TOP1: variants seen among roughly 807,000 people sequenced by gnomAD.
TOP1 encodes the protein DNA topoisomerase I.
Under a neutral mutation model 111.1 loss-of-function variants are expected in TOP1, and 10 were observed. The observed-to-expected ratio is 0.09, with a 90% CI of 0.06 to 0.15. The LOEUF (loss-of-function observed/expected upper bound fraction) is 0.15. TOP1 is among the 10% of genes least tolerant of loss of function. The pLI is 1.00. For missense variants in TOP1, 474 were observed against 926.7 expected (o/e 0.51, Z 6.34); for synonymous variants, 271 against 302.9 (o/e 0.89, Z 1.10).
rs2033623945 is a variant in TOP1, at chr20:41,067,628, A to AT, written c.155+6142dup. ...AATCCTTGCTAATCAATTGTAGCTA[A>AT]TTTTGTGGCCATTTGTTAGGAGAAA... On this transcript the variant is annotated intron_variant, in intron 3 of 20. Transcript: ENST00000361337. The surrounding 1 kb of genome is among the most constrained non-coding windows in gnomAD (Gnocchi z 4.0). 6.6e-6 allele frequency among the ~76,000 whole-genome samples: 1 copy of AT among 152,278 alleles called. No individual in the cohort carries two copies. Among genetic ancestry groups the AT allele is most frequent in the East Asian group, 1.9e-4 (1 of 5,188 alleles).
At chr20:41,074,579 C>T (rs1192401958) in intron 3 of TOP1, among the ~76,000 whole-genome samples, 1 of 151,672 alleles carries the variant, frequency 6.6e-6, no homozygotes, top group Non-Finnish European at 1.5e-5. Context: ...CTTAAAGTTT[C>T]TGCCTATTCA....
At chr20:41,054,623 G>C (rs554811794) in intron 2 of TOP1, among the ~76,000 whole-genome samples, 1 of 152,210 alleles carries the variant, frequency 6.6e-6, no homozygotes, top group South Asian at 2.1e-4. Flanking sequence ...GCTGGCACCC[G>C]TATTAGTGCC....
chr20:41,089,023 T>C (rs1173267943), intron 8 of TOP1, among the ~76,000 whole-genome samples: 1 of 103,456 alleles, frequency 9.7e-6, no homozygotes, highest in Non-Finnish European at 1.9e-5. Context: ...CCCAGTTCTT[T>C]TTTTTTTTTT....
rs2034438757 is a variant in TOP1 at position 41,122,481 on chromosome 20, C to T, written c.2195+326C>T. On this transcript the variant is annotated intron_variant, in intron 20 of 20. Transcript: ENST00000361337. The surrounding 1 kb of genome is among the most constrained non-coding windows in gnomAD (Gnocchi z 5.4). ...TAGCTTCTGGAAGAATAGGAAAGAG[C>T]CCATCCATCTCTACACTTCAACAAA... Among the ~76,000 whole-genome samples the T allele has an allele frequency of 1.3e-5, 2 of 151,984 alleles. No individual in the cohort carries two copies. The highest frequency in any genetic ancestry group is 1.3e-4 in the Admixed American group (2 of 15,260).
At position 41,078,913 on chromosome 20, in the gene TOP1, C is replaced by A. The variant is rs774318904; in HGVS notation, c.336-1172C>A. On this transcript the variant is annotated intron_variant, in intron 5 of 20. Transcript: ENST00000361337. The surrounding 1 kb of genome is among the most constrained non-coding windows in gnomAD (Gnocchi z 5.3). ...TTGTTTTAGGACTTCTTCCTTCAGA[C>A]CTAAGTAACCCTTCCCACAGTTTTT... Among the ~76,000 whole-genome samples, 1 of 152,124 alleles carries A rather than the reference C, an allele frequency of 6.6e-6. No homozygotes were observed. Among genetic ancestry groups the A allele is most frequent in the Non-Finnish European group, 1.5e-5 (1 of 68,016 alleles).
At position 41,080,511 on chromosome 20, in the gene TOP1, T is replaced by C. The variant is rs546759808; in HGVS notation, c.431+331T>C. Among the ~76,000 whole-genome samples, 1 of 152,304 alleles carries C rather than the reference T, an allele frequency of 6.6e-6. No homozygotes were observed. The highest frequency in any genetic ancestry group is 1.9e-4 in the East Asian group (1 of 5,190). ...TTTCTTATTGCCTACCACAGATAAC[T>C]TAAAGCAGTTTCTCTTAGACCTATT... On this transcript the variant is annotated intron_variant, in intron 6 of 20. Transcript: ENST00000361337. This position sits in a 1 kb window ranked among gnomAD's most constrained non-coding sequence, Gnocchi z 5.0.
rs2033077546 is a variant in TOP1, at chr20:41,028,993, C to CG, written c.-74dup. Reference sequence around the variant, plus strand: ...CGAGCCTCCGGAGTCCCCGTCCGCCCGCACAGGCCGGTTCGCCGTCTGCGT... The same window carrying CG: ...CGAGCCTCCGGAGTCCCCGTCCGCCCGGCACAGGCCGGTTCGCCGTCTGCGT... On this transcript the variant is annotated 5_prime_UTR_variant, in exon 1 of 21. Transcript: ENST00000361337. 7.4e-7 allele frequency: 1 copy of CG among 1,358,700 alleles called. No individual in the cohort carries two copies. Among genetic ancestry groups the CG allele is most frequent in the African/African-American group, 1.5e-5 (1 of 67,104 alleles). The allele number at this position is 1,358,700 out of a possible 1,614,324, so 84.2% of individuals were successfully genotyped here.
chr20:41,081,528 A>T (rs566664589), intron 7 of TOP1, among the ~76,000 whole-genome samples: 158 of 152,268 alleles, frequency 1.0e-3, no homozygotes, highest in Non-Finnish European at 1.8e-3. Context: ...AAACTATGTC[A>T]TCTTCATATA....
intron 17 of TOP1, among the ~76,000 whole-genome samples, chr20:41,117,380 A>ATTTTTTTTTTTTTTTTTTTTTTTTTT (rs1192075214): frequency 1.2e-5 from 1 of 85,530 alleles, no homozygotes. Flanking sequence ...CTGTGGCTTA[A>ATTTTTTTTTTTTTTTTTTTTTTTTTT]TTTTTTTTTT....
At chr20:41,051,592 T>C (rs1247403277) in intron 2 of TOP1, among the ~76,000 whole-genome samples, 6 of 152,220 alleles carry the variant, frequency 3.9e-5, no homozygotes, top group Non-Finnish European at 5.9e-5. Context: ...TATGTGCTTC[T>C]GCATGGGGAA....
In TOP1 at chr20:41,116,924, G is replaced by A. The variant is rs546112909; in HGVS notation, c.1822+532G>A. Among the ~76,000 whole-genome samples, 3 of 152,208 alleles carry A rather than the reference G, an allele frequency of 2.0e-5. No individual in the cohort carries two copies. The highest frequency in any genetic ancestry group is 7.2e-5 in the African/African-American group (3 of 41,530). Reference sequence around the variant, plus strand: ...ACTGCCCTCTGTAAATACATCAGATGGCCTTAGAATATGAACCAGAAAAGC... The same window carrying A: ...ACTGCCCTCTGTAAATACATCAGATAGCCTTAGAATATGAACCAGAAAAGC... On this transcript the variant is annotated intron_variant, in intron 17 of 20. Transcript: ENST00000361337. This position sits in a 1 kb window ranked among gnomAD's most constrained non-coding sequence, Gnocchi z 5.6.
chr20:41,088,450 C>T (rs1013273682), intron 8 of TOP1, among the ~76,000 whole-genome samples: 3 of 152,096 alleles, frequency 2.0e-5, no homozygotes, highest in African/African-American at 4.8e-5. Flanking sequence ...TTGCAGTGAG[C>T]GGAGATCACG....
Position 41,028,982 on chromosome 20 carries a change from C to T in TOP1, c.-86C>T. 2.5e-6 allele frequency: 3 copies of T among 1,215,298 alleles called. No individual in the cohort carries two copies. In the South Asian group the frequency reaches 3.9e-5, roughly 16 times the overall value. 75.3% of individuals were successfully genotyped at this position (1,215,298 alleles called of 1,614,324 possible). A position where few individuals can be genotyped will look rare whatever the true frequency, so the allele number is the denominator to read the frequency against. ...CTGCGCCTCCTCGAGCCTCCGGAGT[C>T]CCCGTCCGCCCGCACAGGCCGGTTC... On this transcript the variant is annotated 5_prime_UTR_variant, in exon 1 of 21. Transcript: ENST00000361337.
intron 9 of TOP1, among the ~76,000 whole-genome samples, chr20:41,093,646 C>G (rs2033947263): frequency 6.6e-6 from 1 of 152,114 alleles, no homozygotes; most frequent in Non-Finnish European, 1.5e-5. Context: ...AGAAAAAGTT[C>G]TGGGGTGGGA....
intron 8 of TOP1, 91 bp downstream of exon 8, chr20:41,084,659 A>G: frequency 1.4e-6 from 1 of 714,170 alleles, no homozygotes; most frequent in Non-Finnish European, 2.2e-6. Context: ...TAATATCCTG[A>G]TATTTGGGGG....
Position 41,104,641 on chromosome 20 carries a change from A to G in TOP1, c.1308+3288A>G, listed in dbSNP as rs577181760. Among the ~76,000 whole-genome samples, 24 of 152,346 alleles carry G rather than the reference A, an allele frequency of 1.6e-4. No homozygotes were observed. In the South Asian group the frequency reaches 1.7e-3, roughly 11 times the overall value. On this transcript the variant is annotated intron_variant, in intron 13 of 20. Transcript: ENST00000361337. ...TGATGATCATGGTAGTGAACCTAAA[A>G]GTCACCCAGAGTTAGACTCTGAACC...
At chr20:41,089,974 G>A (rs929317011) in intron 8 of TOP1, among the ~76,000 whole-genome samples, 1 of 151,700 alleles carries the variant, frequency 6.6e-6, no homozygotes, top group African/African-American at 2.4e-5. Flanking sequence ...CCACCCCCAC[G>A]TGTTTTTTTT....
At position 41,061,268 on chromosome 20, in the gene TOP1, C is replaced by T. The variant is rs1001324304; in HGVS notation, c.59-126C>T. The T allele has an allele frequency of 2.6e-6, 2 of 778,116 alleles. No homozygotes were observed. Among genetic ancestry groups the T allele is most frequent in the African/African-American group, 3.5e-5 (2 of 57,608 alleles). The allele number at this position is 778,116 out of a possible 1,614,324, so 48.2% of individuals were successfully genotyped here. On this transcript the variant is annotated intron_variant, in intron 2 of 20. Transcript: ENST00000361337. The surrounding 1 kb of genome is among the most constrained non-coding windows in gnomAD (Gnocchi z 4.6). ...TTGTGAAAGCTTTTTTTTTCAGTGG[C>T]ATGTGCTATTATGCCTACCATGCCA...
At chr20:41,073,169 G>A in intron 3 of TOP1, 1 of 985,248 alleles carries the variant, frequency 1.0e-6, no homozygotes, top group Non-Finnish European at 1.2e-6. Context: ...AAAACCGCAG[G>A]GCTACATGTA....
Sources: allele counts gnomAD v4.1 joint callset (sites outside exome capture counted in the v4.1 genomes callset), GRCh38; gene constraint gnomAD v4.1.1; non-coding constraint Gnocchi (gnomAD v3.1); transcripts MANE v1.5; gene names NCBI Gene and HGNC (gene_info 2026-07-23, HGNC 2026-07-21).